The following ZFP64 variants were observed in gnomAD, a reference collection of about 807,000 sequenced individuals.
The protein encoded by ZFP64 is ZFP64 zinc finger protein, also known as zinc finger protein 64.
ZFP64 carries 14 observed loss-of-function variants against 51.6 expected under a neutral mutation model. That is an observed-to-expected ratio of 0.27 (90% CI 0.18 to 0.42). The LOEUF (loss-of-function observed/expected upper bound fraction) is 0.42, where lower values mean the gene tolerates loss of function less well. ZFP64 is among the 10% of genes least tolerant of loss of function. ZFP64 has a pLI of 1.00. For missense variants in ZFP64, 754 were observed against 906.8 expected, an observed-to-expected ratio of 0.83 and a Z score of 2.16; for synonymous variants, 375 against 361.4, an observed-to-expected ratio of 1.04 and a Z score of -0.43.
intron 5 of ZFP64, among the ~76,000 whole-genome samples, chr20:52,155,294 G>A (rs996288760): frequency 6.6e-6 from 1 of 152,128 alleles, no homozygotes; most frequent in Non-Finnish European, 1.5e-5. Flanking sequence ...TATCAGATTG[G>A]TTGCCTGTTT....
chr20:52,124,192 TAAAA>T (rs33931169), intron 5 of ZFP64, among the ~76,000 whole-genome samples: 9 of 114,052 alleles, frequency 7.9e-5, no homozygotes, highest in African/African-American at 3.2e-4. Context: ...TTGTTAAATG[TAAAA>T]AAAAAAAAAA....
At position 52,191,568 on chromosome 20, in the gene ZFP64, A is replaced by G; in HGVS notation, c.46+23T>C. The G allele has an allele frequency of 1.8e-5, 28 of 1,566,576 alleles. No individual in the cohort carries two copies. Among genetic ancestry groups the G allele is most frequent in the Non-Finnish European group, 2.4e-5 (28 of 1,160,792 alleles). ...GCGCGCACTGGGCCCCGGAGCGCGCACTGCTCCCGGAAAAGCACTTACTTT... is the reference window on the plus strand; with the variant it reads ...GCGCGCACTGGGCCCCGGAGCGCGCGCTGCTCCCGGAAAAGCACTTACTTT... On this transcript the variant is annotated intron_variant, in intron 1 of 5. Coordinates refer to ENST00000216923, the MANE Select transcript of ZFP64 (RefSeq NM_018197.3). This position sits in a 1 kb window ranked among gnomAD's most constrained non-coding sequence, Gnocchi z 4.3.
chr20:52,146,107 G>A (rs1298530519), intron 5 of ZFP64, among the ~76,000 whole-genome samples: 1 of 150,496 alleles, frequency 6.6e-6, no homozygotes, highest in Non-Finnish European at 1.5e-5. Context: ...ACACAAACAT[G>A]CGCATTAGCC....
intron 4 of ZFP64, among the ~76,000 whole-genome samples, chr20:52,162,092 G>T (rs1981857095): frequency 6.6e-6 from 1 of 151,906 alleles, no homozygotes; most frequent in African/African-American, 2.4e-5. Context: ...GAGGTCAGGA[G>T]TTCGAGACCA....
At chr20:52,128,434 GA>G (rs1979549928) in intron 5 of ZFP64, among the ~76,000 whole-genome samples, 1 of 152,200 alleles carries the variant, frequency 6.6e-6, no homozygotes, top group Admixed American at 6.5e-5. Flanking sequence ...GACAGAATTT[GA>G]GACCATTATC....
rs1485636294 is a variant in ZFP64 at position 52,085,027 on chromosome 20, G to A, written c.1468C>T (p.Gln490Ter). The A allele has an allele frequency of 1.2e-6, 2 of 1,614,094 alleles. No individual in the cohort carries two copies. The highest frequency in any genetic ancestry group is 1.7e-6 in the Non-Finnish European group (2 of 1,180,018). ...GGACACTTCTCCGGGTGGTCGGCCTGGTGCAGCCGGCTGTGCTCCAGGAGG... is the reference window on the plus strand; with the variant it reads ...GGACACTTCTCCGGGTGGTCGGCCTAGTGCAGCCGGCTGTGCTCCAGGAGG... Residue 490 changes from glutamine (Q) to a stop codon, truncating the protein, a stop_gained, in exon 9 of 9, where the codon CAG becomes TAG. Transcript: ENST00000361387. LOFTEE classifies it high-confidence loss of function. The surrounding 1 kb of genome is among the most constrained non-coding windows in gnomAD (Gnocchi z 4.3).
chr20:52,120,574 T>C (rs1475167778), intron 5 of ZFP64, among the ~76,000 whole-genome samples: 1 of 148,194 alleles, frequency 6.7e-6, no homozygotes, highest in Non-Finnish European at 1.5e-5. Flanking sequence ...TCCAATGGCA[T>C]GTGCTCACTT....
intron 7 of ZFP64, among the ~76,000 whole-genome samples, chr20:52,089,270 C>A (rs1357927805): frequency 6.6e-6 from 1 of 152,022 alleles, no homozygotes; most frequent in Non-Finnish European, 1.5e-5. Flanking sequence ...AAGACACGCC[C>A]AAGTCAAGAA....
At chr20:52,097,262 CATGAGGCAG>C (rs1470332269) in intron 7 of ZFP64, 7 of 1,305,630 alleles carry the variant, frequency 5.4e-6, no homozygotes, top group Admixed American at 1.8e-5. Flanking sequence ...GACTGAGTTT[CATGAGGCAG>C]ATGAGGCAGA....
At position 52,191,463 on chromosome 20, in the gene ZFP64, C is replaced by A. The variant is rs944230139; in HGVS notation, c.46+128G>T. On this transcript the variant is annotated intron_variant, in intron 1 of 5. Transcript: ENST00000216923. The surrounding 1 kb of genome is among the most constrained non-coding windows in gnomAD (Gnocchi z 4.3). ...CGCGCCCGCCGCGGTCCCCGAGACG[C>A]GGCTCCGAGCCGTCACCCCGATTTC... 18 of 1,194,696 alleles carry A rather than the reference C, an allele frequency of 1.5e-5. No homozygotes were observed. The South Asian group carries it at 3.6e-4, about 24-fold the overall frequency. 74.0% of individuals were successfully genotyped at this position (1,194,696 alleles called of 1,614,324 possible).
intron 5 of ZFP64, chr20:52,104,523 T>C (rs891988867): frequency 3.3e-5 from 12 of 361,396 alleles, no homozygotes; most frequent in Non-Finnish European, 6.0e-5. Context: ...CTCACGGCCG[T>C]CCCCCGCCCC....
At chr20:52,165,003 T>C in intron 3 of ZFP64, 2 of 634,136 alleles carry the variant, frequency 3.2e-6, no homozygotes, top group East Asian at 3.2e-5. Flanking sequence ...ACTGAGGCCC[T>C]TTTGACAAAA....
At chr20:52,147,893 C>T (rs6126477), downstream of ZFP64, among the ~76,000 whole-genome samples, 13,862 of 151,992 alleles carry the variant, frequency 0.091, 775 homozygotes, top group African/African-American at 0.14. Flanking sequence ...TGGTGGCAGG[C>T]GCCTGTAATC....
At chr20:52,103,646 T>G (rs62216873) in intron 5 of ZFP64, among the ~76,000 whole-genome samples, 24,311 of 152,090 alleles carry the variant, frequency 0.16, 2,207 homozygotes, top group Non-Finnish European at 0.21. Flanking sequence ...TCAGCAATTC[T>G]CTTCTATAAA....
At chr20:52,108,861 A>AACACACACAC (rs57127987) in intron 5 of ZFP64, among the ~76,000 whole-genome samples, 84 of 139,744 alleles carry the variant, frequency 6.0e-4, no homozygotes, top group African/African-American at 1.1e-3. Context: ...GAAAATCTGA[A>AACACACACAC]ACACACACAC....
intron 5 of ZFP64, among the ~76,000 whole-genome samples, chr20:52,121,382 CAT>C (rs1241458523): frequency 1.4e-5 from 2 of 147,280 alleles, no homozygotes; most frequent in Non-Finnish European, 3.0e-5. Flanking sequence ...CCAGTGAACA[CAT>C]GAGTGATAAA....
intron 1 of ZFP64, 112 bp from the exon 2 acceptor site, chr20:52,187,183 T>A: frequency 8.5e-7 from 1 of 1,180,464 alleles, no homozygotes; most frequent in Admixed American, 2.3e-5. Flanking sequence ...GGCTGGGTAG[T>A]GGCCCAGTAT....
In ZFP64 at chr20:52,153,055, G is replaced by T; in HGVS notation, c.1137C>A (p.Asp379Glu). ...TGCTCAGGTTGCTGGGCTGTTTGGT[G>T]TCGAAGCTGCAGTAGTTGCACTTGA... ...RPFKCNYCSF[D>E]TKQPSNLSKH... The change falls in exon 6 of 6, where the codon GAC becomes GAA. Residue 379 changes from aspartate to glutamate, a missense_variant. Coordinates refer to ENST00000216923, the MANE Select transcript of ZFP64 (RefSeq NM_018197.3). The surrounding 1 kb of genome is among the most constrained non-coding windows in gnomAD (Gnocchi z 5.1). 1.9e-6 allele frequency: 3 copies of T among 1,614,166 alleles called. No homozygotes were observed. The East Asian group carries it at 6.7e-5, about 36-fold the overall frequency.
At chr20:52,108,974 C>T (rs1978404299) in intron 5 of ZFP64, among the ~76,000 whole-genome samples, 1 of 151,764 alleles carries the variant, frequency 6.6e-6, no homozygotes, top group African/African-American at 2.4e-5. Flanking sequence ...TCATGATTCT[C>T]CTCTTTCAAT....
Sources: gnomAD v4.1 joint callset for allele counts (sites outside exome capture counted in the v4.1 genomes callset) on GRCh38, gnomAD v4.1.1 for gene constraint, Gnocchi (gnomAD v3.1) non-coding constraint, MANE v1.5 for transcripts, NCBI Gene and HGNC (gene_info 2026-07-23, HGNC 2026-07-21) for gene names.